PRMT2: variants seen among roughly 807,000 people sequenced by gnomAD.
PRMT2 encodes protein arginine N-methyltransferase 2.
Under a neutral mutation model 57.6 loss-of-function variants are expected in PRMT2, and 26 were observed. The observed-to-expected ratio is 0.45, with a 90% CI of 0.33 to 0.63. The LOEUF (loss-of-function observed/expected upper bound fraction) is 0.63, where lower values mean the gene tolerates loss of function less well. PRMT2 is among the 20% of genes least tolerant of loss of function. The pLI is 0.02. For missense variants in PRMT2, 472 were observed against 564.4 expected, an observed-to-expected ratio of 0.84 and a Z score of 1.66; for synonymous variants, 219 against 220.0, an observed-to-expected ratio of 1.00 and a Z score of 0.04.
chr21:46,649,758 G>T lies in PRMT2; in HGVS notation c.654+19G>T. 6.2e-7 allele frequency: 1 copy of T among 1,607,312 alleles called. No individual in the cohort carries two copies. ...CCTGCTGGTGAGGGCGGGCGTGCGG[G>T]CAGCTGGGGGCCGGAGCTGGGGGGC... On this transcript the variant is annotated intron_variant, in intron 7 of 11. Coordinates refer to ENST00000355680, the MANE Select transcript of PRMT2 (RefSeq NM_206962.4). This position sits in a 1 kb window ranked among gnomAD's most constrained non-coding sequence, Gnocchi z 4.8.
In PRMT2 at chr21:46,644,436, A is replaced by T. The variant is rs777227681; in HGVS notation, c.275A>T (p.Asp92Val). Reference sequence around the variant, plus strand: ...GTGGGGAAGCACGTGGATGAGTACGACCCCGAGGACACGTGGCAGGATGAA... The same window carrying T: ...GTGGGGAAGCACGTGGATGAGTACGTCCCCGAGGACACGTGGCAGGATGAA... ...NHVGKHVDEYDPEDTWQDEEY... is the reference protein window; with the variant it reads ...NHVGKHVDEYVPEDTWQDEEY... The change falls in exon 5 of 12, where the codon GAC (aspartate) becomes GTC (valine). Residue 92 changes from aspartate to valine, a missense_variant. Physicochemically the swap from Asp to Val is radical, Grantham distance 152. Coordinates refer to ENST00000355680, the MANE Select transcript of PRMT2 (RefSeq NM_206962.4). The T allele has an allele frequency of 1.9e-6, 3 of 1,604,420 alleles. No homozygotes were observed. The highest frequency in any genetic ancestry group is 2.2e-5 in the East Asian group (1 of 44,526).
intron 7 of PRMT2, among the ~76,000 whole-genome samples, chr21:46,655,709 G>C (rs2061532374): frequency 6.6e-6 from 1 of 152,066 alleles, no homozygotes; most frequent in African/African-American, 2.4e-5. Context: ...AGAAATTAAA[G>C]AATATCACAG....
chr21:46,658,949 G>A (rs1350538190), intron 8 of PRMT2, 29 bp downstream of exon 8: 67 of 1,596,280 alleles, frequency 4.2e-5, no homozygotes, highest in East Asian at 3.8e-4. Flanking sequence ...GACTGGCACC[G>A]TCTTGTGGGG....
intron 7 of PRMT2, among the ~76,000 whole-genome samples, chr21:46,655,695 A>T (rs11910493): frequency 0.057 from 8,693 of 152,252 alleles, 726 homozygotes; most frequent in African/African-American, 0.19. Context: ...AGCAATGTAC[A>T]ATTAGAAATT....
intron 7 of PRMT2, chr21:46,657,503 C>T (rs2061559087): frequency 6.6e-6 from 1 of 151,950 alleles, no homozygotes; most frequent in Non-Finnish European, 1.5e-5. Flanking sequence ...GTTATTGAAA[C>T]AGGTAATTTG....
At chr21:46,652,240 A>G in intron 7 of PRMT2, 1 of 1,369,884 alleles carries the variant, frequency 7.3e-7, no homozygotes, top group East Asian at 2.7e-5. Flanking sequence ...CTACAAGTTT[A>G]TTTGTTGTTA....
chr21:46,659,639 ATAG>A (rs767669426), intron 8 of PRMT2: 459 of 985,466 alleles, frequency 4.7e-4, no homozygotes, highest in Non-Finnish European at 5.5e-4. Context: ...GTAAATTAAA[ATAG>A]TAGCCCAGGC....
chr21:46,658,481 T>C (rs2148998064), intron 7 of PRMT2: 2 of 428,852 alleles, frequency 4.7e-6, no homozygotes, highest in Non-Finnish European at 8.1e-6. Context: ...TGAAGATTTG[T>C]CCTTGCTTTT....
chr21:46,645,860 G>A (rs1427020199), intron 5 of PRMT2, among the ~76,000 whole-genome samples: 3 of 152,094 alleles, frequency 2.0e-5, no homozygotes, highest in Non-Finnish European at 2.9e-5. Context: ...GGGACTACAG[G>A]TGCGTGCCAC....
At chr21:46,662,005 G>GGGCGCGCAGGAGGGGGTGC (rs1215598815) in intron 10 of PRMT2, 69 bp downstream of exon 10, 1 of 497,822 alleles carries the variant, frequency 2.0e-6, no homozygotes, top group African/African-American at 2.2e-5. Flanking sequence ...TGCGGGGATG[G>GGGCGCGCAGGAGGGGGTGC]GGCGCGCAGG....
intron 3 of PRMT2, among the ~76,000 whole-genome samples, chr21:46,642,835 C>G (rs917675061): frequency 1.3e-5 from 2 of 152,108 alleles, no homozygotes; most frequent in Non-Finnish European, 2.9e-5. Context: ...CCAACCTGGG[C>G]AACATGGTGA....
intron 8 of PRMT2, 146 bp downstream of exon 8, chr21:46,659,066 A>G: frequency 7.0e-7 from 1 of 1,433,062 alleles, no homozygotes; most frequent in Non-Finnish European, 9.1e-7. Flanking sequence ...CTGTTGTAGC[A>G]TTGGAGTAAT....
rs569443694 is a variant in PRMT2 at position 46,661,892 on chromosome 21, G to A, written c.1053G>A (p.Gln351=). ...AWFSVHFQSL[Q]EGQPPQVLST... ...TTAGCGTCCACTTCCAGAGCCTGCAGGAGGGGCAGCCGCCGCAGGTGCTCA... is the reference window on the plus strand; with the variant it reads ...TTAGCGTCCACTTCCAGAGCCTGCAAGAGGGGCAGCCGCCGCAGGTGCTCA... The change falls in exon 10 of 12, where the codon CAG becomes CAA. Residue 351 remains glutamine, a synonymous_variant. Coordinates refer to ENST00000355680, the MANE Select transcript of PRMT2 (RefSeq NM_206962.4). 5.5e-4 allele frequency: 824 copies of A among 1,495,044 alleles called. 6 individuals are homozygous for A. The Middle Eastern group carries it at 5.7e-3, about 10-fold the overall frequency. The allele number at this position is 1,495,044 out of a possible 1,614,324, so 92.6% of individuals were successfully genotyped here. A position where few individuals can be genotyped will look rare whatever the true frequency, so the allele number is the denominator to read the frequency against.
rs2061677251 is a variant in PRMT2, at chr21:46,664,645, C to G, written c.*318C>G. ...GGAGCTCCATGTTCCTAAGCTAGGT[C>G]TAGGTCTACACTCCTAGGACGCACG... is the stretch of plus-strand genomic sequence containing the variant. On this transcript the variant is annotated 3_prime_UTR_variant, in exon 12 of 12. Transcript: ENST00000355680. 1 of 468,090 alleles carries G rather than the reference C, an allele frequency of 2.1e-6. No homozygotes were observed. Among genetic ancestry groups the G allele is most frequent in the Non-Finnish European group, 3.9e-6 (1 of 254,626 alleles). The allele number at this position is 468,090 out of a possible 1,614,324, so 29.0% of individuals were successfully genotyped here. A position where few individuals can be genotyped will look rare whatever the true frequency, so the allele number is the denominator to read the frequency against.
intron 7 of PRMT2, among the ~76,000 whole-genome samples, chr21:46,650,583 C>T (rs924297910): frequency 2.0e-5 from 3 of 152,304 alleles, no homozygotes; most frequent in South Asian, 4.1e-4. Flanking sequence ...ACAGGAGAAA[C>T]GGGCTCCACT....
chr21:46,635,912 C>T (rs1177796156), intron 1 of PRMT2, 149 bp downstream of exon 1: 1 of 152,366 alleles, frequency 6.6e-6, no homozygotes, highest in East Asian at 1.9e-4. Context: ...CGATCTCAGC[C>T]ACTTTCCCTG....
chr21:46,653,079 T>C (rs2061486212), intron 7 of PRMT2: 1 of 1,057,640 alleles, frequency 9.5e-7, no homozygotes, highest in Non-Finnish European at 1.2e-6. Flanking sequence ...CAATATGTGA[T>C]GAGGACATAT....
chr21:46,663,662 CT>C, intron 11 of PRMT2, 108 bp downstream of exon 11: 2 of 1,156,310 alleles, frequency 1.7e-6, no homozygotes, highest in Non-Finnish European at 2.5e-6. Context: ...GGGTCCACGC[CT>C]TTTGTGCAGG....
At chr21:46,639,621 G>A (rs928381282) in intron 3 of PRMT2, among the ~76,000 whole-genome samples, 3 of 145,478 alleles carry the variant, frequency 2.1e-5, no homozygotes, top group Admixed American at 1.4e-4. Context: ...CTTTTCTTGC[G>A]TGTACCTTTT....
Sources: gnomAD v4.1 joint callset for allele counts (sites outside exome capture counted in the v4.1 genomes callset) on GRCh38, gnomAD v4.1.1 for gene constraint, Gnocchi (gnomAD v3.1) non-coding constraint, MANE v1.5 for transcripts, NCBI Gene and HGNC (gene_info 2026-07-23, HGNC 2026-07-21) for gene names.